LPXN: variants seen among roughly 807,000 people sequenced by gnomAD.
The protein encoded by LPXN is leupaxin.
Under a neutral mutation model 45.6 loss-of-function variants are expected in LPXN, and 28 were observed. The ratio of observed to expected loss-of-function variants is 0.61; its 90% CI spans 0.45 to 0.84. The LOEUF (loss-of-function observed/expected upper bound fraction) is 0.84, where lower values mean the gene tolerates loss of function less well. Among genes scored for constraint, LPXN ranks in the 40% least tolerant of loss-of-function variants. The pLI is 0.00. For missense variants in LPXN, 459 were observed against 475.0 expected (o/e 0.97, Z 0.31); for synonymous variants, 166 against 169.9 (o/e 0.98, Z 0.18).
intron 7 of LPXN, among the ~76,000 whole-genome samples, chr11:58,530,897 A>C (rs1379476474): frequency 6.6e-6 from 1 of 152,238 alleles, no homozygotes; most frequent in East Asian, 1.9e-4. Flanking sequence ...TCTGCTGCTA[A>C]TACCCAGGCA....
At chr11:58,533,014 A>T (rs1422723887) in intron 7 of LPXN, among the ~76,000 whole-genome samples, 1 of 151,398 alleles carries the variant, frequency 6.6e-6, no homozygotes, top group Non-Finnish European at 1.5e-5. Context: ...GCAACTCCAG[A>T]CGCACCGCCT....
At chr11:58,559,868 C>A (rs761187467) in intron 3 of LPXN, among the ~76,000 whole-genome samples, 2 of 151,984 alleles carry the variant, frequency 1.3e-5, no homozygotes, top group Non-Finnish European at 2.9e-5. Flanking sequence ...AGAGACAGAC[C>A]CTATCTCAAA....
chr11:58,549,224 T>G (rs1853964996), intron 7 of LPXN, among the ~76,000 whole-genome samples: 1 of 152,150 alleles, frequency 6.6e-6, no homozygotes, highest in Non-Finnish European at 1.5e-5. Flanking sequence ...TGAAACATTG[T>G]CCCTACTAAA....
At chr11:58,548,479 GT>G (rs765104583) in intron 7 of LPXN, among the ~76,000 whole-genome samples, 1 of 151,788 alleles carries the variant, frequency 6.6e-6, no homozygotes, top group Non-Finnish European at 1.5e-5. Context: ...AAACTGACTT[GT>G]TGCCAGATGT....
chr11:58,533,201 T>G (rs1853448073), intron 7 of LPXN, among the ~76,000 whole-genome samples: 1 of 152,168 alleles, frequency 6.6e-6, no homozygotes, highest in African/African-American at 2.4e-5. Context: ...GCTTCATTCT[T>G]GAAGTCAGTG....
At chr11:58,572,074 T>A (rs1248937626) in intron 1 of LPXN, among the ~76,000 whole-genome samples, 1 of 152,210 alleles carries the variant, frequency 6.6e-6, no homozygotes, top group Non-Finnish European at 1.5e-5. Context: ...GGCTCAATAA[T>A]GCATTAGTGG....
chr11:58,577,916 C>T, upstream of LPXN: 2 of 1,313,484 alleles, frequency 1.5e-6, no homozygotes, highest in South Asian at 2.7e-5. Context: ...TAAGAGCCAA[C>T]TGAGTAGTGG....
intron 1 of LPXN, among the ~76,000 whole-genome samples, chr11:58,573,690 T>A (rs570365449): frequency 6.6e-6 from 1 of 152,296 alleles, no homozygotes; most frequent in South Asian, 2.1e-4. Flanking sequence ...AGATGACTAA[T>A]TTCAGTATGA....
intron 7 of LPXN, among the ~76,000 whole-genome samples, 166 bp downstream of exon 7, chr11:58,549,620 A>T (rs1853978966): frequency 6.6e-6 from 1 of 152,204 alleles, no homozygotes; most frequent in African/African-American, 2.4e-5. Context: ...TTAAAGGGAA[A>T]TTATAAATGT....
At chr11:58,564,058 A>C in intron 3 of LPXN, 97 bp downstream of exon 3, 4 of 755,730 alleles carry the variant, frequency 5.3e-6, no homozygotes, top group South Asian at 4.8e-5. Context: ...AGTTCTAATA[A>C]TAAACACTTG....
chr11:58,560,241 C>T (rs995148284), intron 3 of LPXN, among the ~76,000 whole-genome samples: 1 of 152,140 alleles, frequency 6.6e-6, no homozygotes, highest in Non-Finnish European at 1.5e-5. Flanking sequence ...ATGCAATTCA[C>T]CTGTATATCT....
At chr11:58,535,040 C>CA (rs576483395) in intron 7 of LPXN, among the ~76,000 whole-genome samples, 1 of 151,620 alleles carries the variant, frequency 6.6e-6, no homozygotes, top group Non-Finnish European at 1.5e-5. Flanking sequence ...GCCTACCGAC[C>CA]AAAAAAAAGT....
At chr11:58,572,508 A>C (rs1190357289) in intron 1 of LPXN, among the ~76,000 whole-genome samples, 1 of 152,192 alleles carries the variant, frequency 6.6e-6, no homozygotes. Context: ...TGGATCATTA[A>C]ATCTACTGTA....
chr11:58,559,979 G>A (rs927109883), intron 3 of LPXN, among the ~76,000 whole-genome samples: 1 of 152,208 alleles, frequency 6.6e-6, no homozygotes, highest in Non-Finnish European at 1.5e-5. Context: ...AGAAGAACCT[G>A]ACAGCAGTTA....
intron 1 of LPXN, among the ~76,000 whole-genome samples, chr11:58,572,016 C>T (rs924609204): frequency 3.3e-5 from 5 of 152,174 alleles, no homozygotes; most frequent in African/African-American, 1.2e-4. Context: ...GCAGTTTCCT[C>T]ATCTACATAA....
At chr11:58,552,658 CA>C (rs1314183884) in intron 4 of LPXN, among the ~76,000 whole-genome samples, 1 of 152,180 alleles carries the variant, frequency 6.6e-6, no homozygotes, top group Non-Finnish European at 1.5e-5. Context: ...GTTATAACAT[CA>C]CACTGTCACC....
At chr11:58,532,001 G>A (rs191457233) in intron 7 of LPXN, among the ~76,000 whole-genome samples, 3 of 152,354 alleles carry the variant, frequency 2.0e-5, no homozygotes, top group Non-Finnish European at 4.4e-5. Flanking sequence ...GGGCCAGCAC[G>A]AGTTTCGGGT....
intron 4 of LPXN, 31 bp downstream of exon 4, chr11:58,554,810 T>C (rs752360808): frequency 6.4e-7 from 1 of 1,555,190 alleles, no homozygotes; most frequent in Non-Finnish European, 8.8e-7. Context: ...TGCACTCACC[T>C]TGGCCTGCAC....
chr11:58,568,405 C>T (rs1187060105), intron 2 of LPXN, among the ~76,000 whole-genome samples: 4 of 152,036 alleles, frequency 2.6e-5, no homozygotes, highest in African/African-American at 4.8e-5. Flanking sequence ...GAGTACAAGA[C>T]CAGCCTAGTC....
Sources: allele counts gnomAD v4.1 joint callset (sites outside exome capture counted in the v4.1 genomes callset), GRCh38; gene constraint gnomAD v4.1.1; transcripts MANE v1.5; gene names NCBI Gene and HGNC (gene_info 2026-07-23, HGNC 2026-07-21).